The following CERS5 variants were observed in gnomAD, a reference collection of about 807,000 sequenced individuals.
The protein encoded by CERS5 is LAG1 homolog, ceramide synthase 5.
CERS5 carries 37 observed loss-of-function variants against 58.9 expected under a neutral mutation model. That is an observed-to-expected ratio of 0.63 (90% CI 0.48 to 0.83). The LOEUF is 0.83. Ranked by LOEUF, CERS5 falls within the 40% of genes least tolerant of loss-of-function variation. CERS5 has a pLI of 0.00. For synonymous variants in CERS5, 147 were observed against 177.8 expected (o/e 0.83, Z 1.38); for missense variants, 398 against 489.3 (o/e 0.81, Z 1.76).
intron 1 of CERS5, among the ~76,000 whole-genome samples, chr12:50,157,333 A>C (rs1484995328): frequency 6.6e-6 from 1 of 151,842 alleles, no homozygotes; most frequent in Non-Finnish European, 1.5e-5. Context: ...CCTGACTGAT[A>C]CAGTAATATA....
chr12:50,150,881 A>G (rs527638442), intron 1 of CERS5, among the ~76,000 whole-genome samples: 1 of 152,338 alleles, frequency 6.6e-6, no homozygotes, highest in African/African-American at 2.4e-5. Flanking sequence ...ACCCTCAAGC[A>G]TTTAGGCTAA....
intron 1 of CERS5, among the ~76,000 whole-genome samples, chr12:50,155,519 G>A (rs781660816): frequency 2.7e-5 from 4 of 148,822 alleles, no homozygotes; most frequent in Admixed American, 6.7e-5. Context: ...GGTGGATCAC[G>A]AGGTCAAGAG....
intron 8 of CERS5, 23 bp from the exon 9 acceptor site, chr12:50,134,725 C>T: frequency 6.2e-7 from 1 of 1,603,960 alleles, no homozygotes; most frequent in South Asian, 1.1e-5. Flanking sequence ...GGCCAATAGT[C>T]AGATTCTAGA....
chr12:50,163,153 C>G (rs909568801), intron 1 of CERS5, among the ~76,000 whole-genome samples: 1 of 152,154 alleles, frequency 6.6e-6, no homozygotes, highest in Non-Finnish European at 1.5e-5. Context: ...CTCACCTTGG[C>G]CTCCAAAGTG....
intron 1 of CERS5, among the ~76,000 whole-genome samples, chr12:50,151,941 C>T (rs766213893): frequency 2.6e-5 from 4 of 152,326 alleles, no homozygotes; most frequent in African/African-American, 4.8e-5. Flanking sequence ...TCGCCGTGCG[C>T]GGCCTATACC....
intron 1 of CERS5, among the ~76,000 whole-genome samples, chr12:50,146,155 C>A (rs1357422320): frequency 6.6e-6 from 1 of 152,172 alleles, no homozygotes; most frequent in African/African-American, 2.4e-5. Context: ...ACAGATTTTA[C>A]CAGCTGAAAG....
chr12:50,153,843 A>G, intron 1 of CERS5: 1 of 420,974 alleles, frequency 2.4e-6, no homozygotes, highest in African/African-American at 2.1e-5. Context: ...AATCCCAGCT[A>G]CTTGGAAGGC....
intron 1 of CERS5, among the ~76,000 whole-genome samples, chr12:50,148,300 C>T (rs1320613504): frequency 6.6e-6 from 1 of 151,686 alleles, no homozygotes; most frequent in East Asian, 2.0e-4. Flanking sequence ...CAGATCCTGT[C>T]TCAAAAATAA....
intron 9 of CERS5, chr12:50,134,297 G>C: frequency 1.3e-6 from 1 of 757,616 alleles, no homozygotes; most frequent in Non-Finnish European, 1.9e-6. Flanking sequence ...GAGAATCCAA[G>C]CCCAGGTGTG....
At chr12:50,149,989 T>C (rs1286204930) in intron 1 of CERS5, among the ~76,000 whole-genome samples, 1 of 152,184 alleles carries the variant, frequency 6.6e-6, no homozygotes, top group Non-Finnish European at 1.5e-5. Context: ...GTGATCTGCC[T>C]GCCTCGCCTC....
chr12:50,157,813 T>A (rs1719323818), intron 1 of CERS5, among the ~76,000 whole-genome samples: 1 of 152,152 alleles, frequency 6.6e-6, no homozygotes. Context: ...TTCATGCCAG[T>A]AATCTCAGCA....
intron 1 of CERS5, chr12:50,165,679 C>A: frequency 4.9e-6 from 1 of 205,880 alleles, no homozygotes; most frequent in South Asian, 6.0e-5. Context: ...AGAAGCAATC[C>A]CAAACAGATG....
At chr12:50,163,587 T>C (rs1286067114) in intron 1 of CERS5, among the ~76,000 whole-genome samples, 1 of 152,190 alleles carries the variant, frequency 6.6e-6, no homozygotes, top group African/African-American at 2.4e-5. Context: ...TCCCAAAACT[T>C]TGGGAAGCTG....
chr12:50,129,466 A>G lies in CERS5; in HGVS notation c.*1079T>C, dbSNP rs950735314. 3 of 151,680 alleles carry G rather than the reference A, an allele frequency of 2.0e-5. No individual in the cohort carries two copies. The highest frequency in any genetic ancestry group is 7.3e-5 in the African/African-American group (3 of 41,222). 9.4% of individuals were successfully genotyped at this position (151,680 alleles called of 1,614,324 possible). On this transcript the variant is annotated 3_prime_UTR_variant, in exon 10 of 10. Transcript: ENST00000317551. ...ATTTCACAACAATATTAGTCTATTC[A>G]ATATAGCAAGTTGAGGAACTAAAAG...
chr12:50,151,921 C>T (rs1028158808), intron 1 of CERS5, among the ~76,000 whole-genome samples: 2 of 152,246 alleles, frequency 1.3e-5, no homozygotes, highest in South Asian at 4.1e-4. Flanking sequence ...GTTGGGATTA[C>T]AGGCGTGAGT....
chr12:50,166,557 T>C (rs943005919), intron 1 of CERS5, among the ~76,000 whole-genome samples: 8 of 152,088 alleles, frequency 5.3e-5, no homozygotes, highest in Non-Finnish European at 1.2e-4. Flanking sequence ...CGTGCATGAG[T>C]TGACATACCA....
At chr12:50,147,131 C>T (rs908202181) in intron 1 of CERS5, among the ~76,000 whole-genome samples, 2 of 151,848 alleles carry the variant, frequency 1.3e-5, no homozygotes, top group Non-Finnish European at 2.9e-5. Flanking sequence ...AGGCCAGGCG[C>T]GGTGGCTCAT....
chr12:50,148,558 C>T (rs1388595777), intron 1 of CERS5: 1 of 351,716 alleles, frequency 2.8e-6, no homozygotes. Context: ...GATCTCACCA[C>T]TGCACTCCAG....
chr12:50,166,583 C>A (rs1592468563), intron 1 of CERS5, among the ~76,000 whole-genome samples: 1 of 152,298 alleles, frequency 6.6e-6, no homozygotes, highest in Admixed American at 6.5e-5. Flanking sequence ...ACTCTTAGGG[C>A]CAAACTAATC....
Sources: gnomAD v4.1 joint callset for allele counts (sites outside exome capture counted in the v4.1 genomes callset) on GRCh38, gnomAD v4.1.1 for gene constraint, MANE v1.5 for transcripts, NCBI Gene and HGNC (gene_info 2026-07-23, HGNC 2026-07-21) for gene names.